Variants in GABRA3 observed in about 807,000 individuals in gnomAD.
The protein encoded by GABRA3 is gamma-aminobutyric acid type A receptor subunit alpha3.
GABRA3 carries 10 observed loss-of-function variants against 30.1 expected under a neutral mutation model. The ratio of observed to expected loss-of-function variants is 0.33; its 90% CI spans 0.20 to 0.56. GABRA3 has a LOEUF of 0.56. Among genes scored for constraint, GABRA3 ranks in the 20% least tolerant of loss-of-function variants. The probability of loss-of-function intolerance (pLI) is 0.89; values close to 1 mark genes in which losing one functional copy is unlikely to be tolerated. For synonymous variants in GABRA3, 151 were observed against 146.8 expected, an observed-to-expected ratio of 1.03 and a Z score of -0.21; for missense variants, 233 against 392.0, an observed-to-expected ratio of 0.59 and a Z score of 3.42.
At chrX:152,174,396 T>C (rs1469200161) in intron 9 of GABRA3, among the ~76,000 whole-genome samples, 6 of 112,076 alleles carry the variant, frequency 5.4e-5, no homozygotes, top group African/African-American at 9.7e-5. Flanking sequence ...AACTAGTTTA[T>C]AGTCCCACCA....
chrX:152,336,526 G>A (rs1335413928), intron 3 of GABRA3, among the ~76,000 whole-genome samples: 1 of 112,121 alleles, frequency 8.9e-6, no homozygotes, highest in African/African-American at 3.2e-5. Context: ...AATGAGCAAT[G>A]TTTTCCTAAG....
chrX:152,275,382 C>T (rs1211054931), intron 4 of GABRA3, among the ~76,000 whole-genome samples: 1 of 98,200 alleles, frequency 1.0e-5, no homozygotes, highest in Non-Finnish European at 2.0e-5. Context: ...TATATATTTA[C>T]ATATTTATTT....
intron 3 of GABRA3, among the ~76,000 whole-genome samples, chrX:152,299,062 T>C (rs1370804673): frequency 4.5e-5 from 5 of 111,714 alleles, no homozygotes; most frequent in Non-Finnish European, 7.5e-5. Context: ...CCAGATAAGA[T>C]GGAACAGGCA....
chrX:152,191,607 C>T (rs144579517), intron 8 of GABRA3, among the ~76,000 whole-genome samples: 1 of 107,988 alleles, frequency 9.3e-6, no homozygotes, highest in Non-Finnish European at 1.9e-5. Flanking sequence ...AGGCTATATG[C>T]GAAATCAAGC....
intron 3 of GABRA3, among the ~76,000 whole-genome samples, chrX:152,343,290 C>A: frequency 9.0e-6 from 1 of 111,236 alleles, no homozygotes; most frequent in Admixed American, 9.6e-5. Context: ...TGTTTGTTTT[C>A]TTTCTTTCAG....
At chrX:152,191,913 A>G (rs1937329943) in intron 8 of GABRA3, among the ~76,000 whole-genome samples, 1 of 111,795 alleles carries the variant, frequency 8.9e-6, no homozygotes, top group Non-Finnish European at 1.9e-5. Flanking sequence ...TGAATCTGTA[A>G]CCTGGTAATC....
At chrX:152,378,870 G>A (rs969061297) in intron 1 of GABRA3, among the ~76,000 whole-genome samples, 2 of 111,487 alleles carry the variant, frequency 1.8e-5, no homozygotes, top group African/African-American at 6.5e-5. Flanking sequence ...AAGAAATAAA[G>A]ACTTTCATGT....
intron 5 of GABRA3, chrX:152,251,059 A>G: frequency 6.8e-6 from 2 of 296,003 alleles, no homozygotes; most frequent in Non-Finnish European, 1.3e-5. Flanking sequence ...CCAGGCTTTT[A>G]TTTTTCCATT....
intron 1 of GABRA3, among the ~76,000 whole-genome samples, chrX:152,366,816 T>A (rs1928673814): frequency 9.0e-6 from 1 of 111,308 alleles, no homozygotes; most frequent in African/African-American, 3.3e-5. Flanking sequence ...AACCATACTA[T>A]AGGAATTAAG....
chrX:152,361,247 T>C (rs180823031), intron 2 of GABRA3, among the ~76,000 whole-genome samples: 1 of 110,455 alleles, frequency 9.1e-6, no homozygotes, highest in African/African-American at 3.3e-5. Context: ...TCTGGTTTTC[T>C]AAGCATCAAC....
At chrX:152,173,734 T>C (rs1260646179) in intron 9 of GABRA3, among the ~76,000 whole-genome samples, 1 of 111,095 alleles carries the variant, frequency 9.0e-6, no homozygotes, top group African/African-American at 3.3e-5. Flanking sequence ...CCTCCCAAAG[T>C]GCTGGGATTA....
chrX:152,346,359 A>G (rs1569403531), intron 2 of GABRA3, among the ~76,000 whole-genome samples: 1 of 111,945 alleles, frequency 8.9e-6, no homozygotes, highest in East Asian at 2.8e-4. Flanking sequence ...TAAAAGACTG[A>G]AATCCAAGAC....
chrX:152,375,501 T>C (rs1395808993), intron 1 of GABRA3, among the ~76,000 whole-genome samples: 2 of 112,391 alleles, frequency 1.8e-5, no homozygotes, highest in South Asian at 3.7e-4. Context: ...ATTAGTGTTC[T>C]AGTCTGTTGA....
At chrX:152,185,904 A>AT (rs1298801878) in intron 9 of GABRA3, among the ~76,000 whole-genome samples, 2 of 111,893 alleles carry the variant, frequency 1.8e-5, no homozygotes, top group African/African-American at 6.5e-5. Context: ...TCCCAGGTCT[A>AT]TTTTTTTGTA....
At chrX:152,398,575 A>G (rs1346867425) in intron 1 of GABRA3, among the ~76,000 whole-genome samples, 1 of 111,723 alleles carries the variant, frequency 9.0e-6, no homozygotes, top group Non-Finnish European at 1.9e-5. Context: ...TAGAAAAAAA[A>G]CTATTAGGAA....
At chrX:152,442,072 AT>A (rs1930945407) in intron 1 of GABRA3, among the ~76,000 whole-genome samples, 1 of 111,464 alleles carries the variant, frequency 9.0e-6, no homozygotes. Context: ...TGCTATATAT[AT>A]CACAAATAAT....
intron 3 of GABRA3, among the ~76,000 whole-genome samples, chrX:152,335,350 G>T (rs760515466): frequency 8.9e-6 from 1 of 111,791 alleles, no homozygotes; most frequent in African/African-American, 3.3e-5. Flanking sequence ...GCATCAGATC[G>T]TTCCCCAAAG....
intron 1 of GABRA3, among the ~76,000 whole-genome samples, chrX:152,450,582 T>G (rs1490751708): frequency 9.0e-6 from 1 of 110,585 alleles, no homozygotes; most frequent in Non-Finnish European, 1.9e-5. Context: ...AGCAGTTATT[T>G]ACAACTTTCT....
intron 1 of GABRA3, among the ~76,000 whole-genome samples, chrX:152,441,019 AAAAAAAG>A (rs1342878604): frequency 9.1e-6 from 1 of 110,228 alleles, no homozygotes; most frequent in Non-Finnish European, 1.9e-5. Flanking sequence ...AATAAAAAAA[AAAAAAAG>A]AAAAGAAAAA....
Sources: gnomAD v4.1 joint callset for allele counts (sites outside exome capture counted in the v4.1 genomes callset) on GRCh38, gnomAD v4.1.1 for gene constraint, MANE v1.5 for transcripts, NCBI Gene and HGNC (gene_info 2026-07-23, HGNC 2026-07-21) for gene names.